Variants in IFT74 observed in about 807,000 individuals in gnomAD.
The protein encoded by IFT74 is intraflagellar transport 74.
In IFT74, 92 loss-of-function variants were observed where a neutral mutation model predicts 96.7. The observed-to-expected ratio is 0.95, with a 90% CI of 0.80 to 1.13. IFT74 has a LOEUF of 1.13. Ranked by LOEUF, IFT74 falls within the 50% of genes most tolerant of loss-of-function variation. The pLI, the probability that IFT74 is intolerant of heterozygous loss-of-function variation, is 0.00. For synonymous variants in IFT74, 223 were observed against 213.2 expected, an observed-to-expected ratio of 1.05 and a Z score of -0.40; for missense variants, 811 against 698.2, an observed-to-expected ratio of 1.16 and a Z score of -1.82.
At chr9:26,947,317 C>G (rs1825770231) in intron 1 of IFT74, 1 of 454,302 alleles carries the variant, frequency 2.2e-6, no homozygotes, top group African/African-American at 2.1e-5. Context: ...CCGCCGACGC[C>G]GATGCGGAGC....
chr9:26,971,366 A>G lies in IFT74; in HGVS notation c.121-6762A>G, dbSNP rs144562945. ...CTAGGGTGTAAATTCTGATACACCC[A>G]TAAACTCTGAAAACCACATCGCACA... On this transcript the variant is annotated intron_variant, in intron 2 of 19. Coordinates refer to ENST00000380062, the MANE Select transcript of IFT74 (RefSeq NM_025103.4). 7.9e-3 allele frequency among the ~76,000 whole-genome samples: 1,198 copies of G among 152,242 alleles called. 12 individuals are homozygous for G. Among genetic ancestry groups the G allele is most frequent in the African/African-American group, 0.027 (1,111 of 41,546 alleles).
At chr9:26,985,428 C>T (rs952236794) in intron 6 of IFT74, among the ~76,000 whole-genome samples, 3 of 151,868 alleles carry the variant, frequency 2.0e-5, no homozygotes, top group African/African-American at 7.3e-5. Context: ...GCACATGTAC[C>T]CCTGAACCTA....
At chr9:27,012,664 A>G (rs966457319) in intron 10 of IFT74, among the ~76,000 whole-genome samples, 1 of 149,272 alleles carries the variant, frequency 6.7e-6, no homozygotes, top group Non-Finnish European at 1.5e-5. Context: ...CAAAATGTGC[A>G]TATGGTTTAA....
chr9:26,965,218 A>C (rs1253983684), intron 2 of IFT74, among the ~76,000 whole-genome samples: 3 of 152,184 alleles, frequency 2.0e-5, no homozygotes. Flanking sequence ...TGAAATGGAA[A>C]TAAATGAATA....
chr9:26,966,547 T>A (rs1826626880), intron 2 of IFT74, among the ~76,000 whole-genome samples: 1 of 152,110 alleles, frequency 6.6e-6, no homozygotes, highest in Non-Finnish European at 1.5e-5. Context: ...TAGTGAGTTG[T>A]TGGAGCACCT....
At chr9:27,009,533 A>T (rs961896223) in intron 9 of IFT74, among the ~76,000 whole-genome samples, 1 of 152,176 alleles carries the variant, frequency 6.6e-6, no homozygotes, top group African/African-American at 2.4e-5. Flanking sequence ...ACTTGTCTGT[A>T]AATTAAAAAG....
intron 1 of IFT74, among the ~76,000 whole-genome samples, chr9:26,948,554 C>A (rs144359532): frequency 6.9e-6 from 1 of 144,230 alleles, no homozygotes; most frequent in East Asian, 2.1e-4. Flanking sequence ...CTGCAACCCT[C>A]GCCTCCCGGG....
upstream of IFT74, among the ~76,000 whole-genome samples, chr9:26,953,072 C>T (rs541369719): frequency 3.9e-5 from 6 of 152,214 alleles, no homozygotes; most frequent in South Asian, 2.1e-4. Context: ...TTTGTGTTCA[C>T]GTTCATCTAT....
At chr9:27,028,857 A>G (rs1259423183) in intron 12 of IFT74, 168 bp from the exon 13 acceptor site, 3 of 534,744 alleles carry the variant, frequency 5.6e-6, no homozygotes, top group Non-Finnish European at 6.2e-6. Context: ...TGCAATTTGT[A>G]AAAGATATCC....
chr9:27,047,831 A>G (rs564797947), intron 15 of IFT74, among the ~76,000 whole-genome samples: 4 of 152,310 alleles, frequency 2.6e-5, no homozygotes, highest in African/African-American at 9.6e-5. Flanking sequence ...GGCATCTATT[A>G]TGAAATGCAT....
At chr9:27,050,481 C>G (rs1453262810) in intron 16 of IFT74, among the ~76,000 whole-genome samples, 2 of 152,048 alleles carry the variant, frequency 1.3e-5, no homozygotes, top group Non-Finnish European at 2.9e-5. Flanking sequence ...AGGATAAGGT[C>G]ATGTAAAAAT....
intron 13 of IFT74, among the ~76,000 whole-genome samples, chr9:27,040,206 G>A (rs1819400633): frequency 6.6e-6 from 1 of 152,078 alleles, no homozygotes; most frequent in Non-Finnish European, 1.5e-5. Context: ...ACTAGAGCTC[G>A]TTCATAGCAG....
chr9:26,972,144 C>A (rs1466955275), intron 2 of IFT74, among the ~76,000 whole-genome samples: 4 of 152,042 alleles, frequency 2.6e-5, no homozygotes, highest in Non-Finnish European at 5.9e-5. Context: ...GTTTAGATCC[C>A]CTGTTAAGAA....
chr9:27,003,569 G>A (rs1828618103), intron 8 of IFT74, among the ~76,000 whole-genome samples: 2 of 152,128 alleles, frequency 1.3e-5, no homozygotes, highest in East Asian at 3.9e-4. Flanking sequence ...AATCCATGCA[G>A]CATACTAAAG....
intron 8 of IFT74, chr9:26,996,349 A>G (rs2131568470): frequency 6.2e-7 from 1 of 1,606,480 alleles, no homozygotes; most frequent in East Asian, 2.2e-5. Context: ...GCTATTAAAT[A>G]TTGAATTGCT....
chr9:26,963,052 C>T (rs1343442151), intron 2 of IFT74, among the ~76,000 whole-genome samples: 6 of 151,540 alleles, frequency 4.0e-5, no homozygotes, highest in African/African-American at 2.4e-5. Context: ...TGGTGTGCTG[C>T]ACCCACTAAC....
At position 26,978,369 on chromosome 9, in the gene IFT74, G is replaced by T. The variant is rs1827218531; in HGVS notation, c.256+106G>T. On this transcript the variant is annotated intron_variant, in intron 3 of 19. Transcript: ENST00000380062. ...AAGTTGAGTATATTTTGAACAATAA[G>T]TATTACAGTACCATTTTTTTAAATC... 4 of 1,093,822 alleles carry T rather than the reference G, an allele frequency of 3.7e-6. 1 individual carries two copies. The highest frequency in any genetic ancestry group is 3.1e-5 in the South Asian group (2 of 65,224). 67.8% of individuals were successfully genotyped at this position (1,093,822 alleles called of 1,614,324 possible).
At chr9:27,052,529 A>C (rs1286568969) in intron 16 of IFT74, among the ~76,000 whole-genome samples, 2 of 151,114 alleles carry the variant, frequency 1.3e-5, no homozygotes, top group African/African-American at 4.9e-5. Context: ...AAAAAAAAAA[A>C]AGTAGTCATT....
intron 13 of IFT74, among the ~76,000 whole-genome samples, chr9:27,042,134 T>TA (rs1563997069): frequency 6.6e-6 from 1 of 152,160 alleles, no homozygotes; most frequent in East Asian, 1.9e-4. Context: ...ATTATGAGTA[T>TA]ACTGAGTTAG....
Sources: allele counts gnomAD v4.1 joint callset (sites outside exome capture counted in the v4.1 genomes callset), GRCh38; gene constraint gnomAD v4.1.1; transcripts MANE v1.5; gene names NCBI Gene and HGNC (gene_info 2026-07-23, HGNC 2026-07-21).